Variants in MGMT observed in about 807,000 individuals in gnomAD.
The protein encoded by MGMT is O-6-methylguanine-DNA methyltransferase.
In MGMT, 14 loss-of-function variants were observed where a neutral mutation model predicts 15.9. The observed-to-expected ratio is 0.88, with a 90% CI of 0.58 to 1.37. The LOEUF is 1.37. Among genes scored for constraint, MGMT ranks in the 40% most tolerant of loss-of-function variants. MGMT has a pLI of 0.00. For missense variants in MGMT, 282 were observed against 268.1 expected (o/e 1.05, Z -0.36); for synonymous variants, 130 against 118.2 (o/e 1.10, Z -0.65).
At chr10:129,615,443 T>C (rs1847013950) in intron 2 of MGMT, among the ~76,000 whole-genome samples, 1 of 152,152 alleles carries the variant, frequency 6.6e-6, no homozygotes, top group African/African-American at 2.4e-5. Context: ...AAGTGGATCT[T>C]CTGCAGATCA....
At position 129,767,153 on chromosome 10, in the gene MGMT, C is replaced by G. The variant is rs1427755480; in HGVS notation, c.*156C>G. On this transcript the variant is annotated 3_prime_UTR_variant, in exon 5 of 5. Transcript: ENST00000651593. ...TCCATATTTTACAGCAGGATGAGTT[C>G]AGACGCCCGCGGTCCTGCACACATT... The G allele has an allele frequency of 2.5e-5, 16 of 639,674 alleles. No individual in the cohort carries two copies. The East Asian group carries it at 4.6e-4, about 18-fold the overall frequency. 39.6% of individuals were successfully genotyped at this position (639,674 alleles called of 1,614,324 possible). A position where few individuals can be genotyped will look rare whatever the true frequency, so the allele number is the denominator to read the frequency against.
chr10:129,554,954 G>C (rs1024151796), intron 2 of MGMT, among the ~76,000 whole-genome samples: 2 of 152,100 alleles, frequency 1.3e-5, no homozygotes, highest in East Asian at 1.9e-4. Context: ...GTTTCCCCAG[G>C]TATCACACAT....
At chr10:129,487,178 G>A (rs1845417204) in intron 1 of MGMT, among the ~76,000 whole-genome samples, 1 of 152,078 alleles carries the variant, frequency 6.6e-6, no homozygotes, top group African/African-American at 2.4e-5. Flanking sequence ...AAGTGTATGG[G>A]GACCTGCAGG....
At chr10:129,535,819 A>G (rs542285092) in intron 1 of MGMT, among the ~76,000 whole-genome samples, 3 of 152,362 alleles carry the variant, frequency 2.0e-5, no homozygotes, top group African/African-American at 7.2e-5. Flanking sequence ...TCATTCTAAA[A>G]TGTACTTTAT....
rs531161796 is a variant in MGMT at position 129,532,697 on chromosome 10, C to T, written c.-12-3544C>T. On this transcript the variant is annotated intron_variant, in intron 1 of 4. Transcript: ENST00000651593. The surrounding 1 kb of genome is among the most constrained non-coding windows in gnomAD (Gnocchi z 5.3). ...TCGAGGTGTGGTCTGTGCAGAATGG[C>T]GTGACAGCCCTTCCAGCCCGTCACG... 5.3e-4 allele frequency among the ~76,000 whole-genome samples: 80 copies of T among 152,224 alleles called. No individual in the cohort carries two copies. The highest frequency in any genetic ancestry group is 1.6e-3 in the African/African-American group (68 of 41,542).
rs1355124674 is a variant in MGMT, at chr10:129,600,666, T to C, written c.125+64289T>C. Among the ~76,000 whole-genome samples the C allele has an allele frequency of 2.6e-5, 4 of 152,304 alleles. No individual in the cohort carries two copies. In the South Asian group the frequency reaches 6.2e-4, roughly 24 times the overall value. On this transcript the variant is annotated intron_variant, in intron 2 of 4. Transcript: ENST00000651593. ...ATTAATCAAGTGAGGTAAACATCCG[T>C]ATTGCCTCTTAGCACCCCCATAGGC...
chr10:129,670,906 T>C (rs1847714946), intron 2 of MGMT, among the ~76,000 whole-genome samples: 1 of 152,216 alleles, frequency 6.6e-6, no homozygotes. Context: ...TATCTCAATT[T>C]ACTTGACTTT....
At position 129,533,821 on chromosome 10, in the gene MGMT, G is replaced by A. The variant is rs567346858; in HGVS notation, c.-12-2420G>A. On this transcript the variant is annotated intron_variant, in intron 1 of 4. Transcript: ENST00000651593. This position sits in a 1 kb window ranked among gnomAD's most constrained non-coding sequence, Gnocchi z 4.5. ...TGGGAGATGTCTGCAGGCGCAGGGC[G>A]GAGGCTGTGGGCCAAGATTGTGGCT... Among the ~76,000 whole-genome samples, 44 of 152,294 alleles carry A rather than the reference G, an allele frequency of 2.9e-4. No homozygotes were observed. Among genetic ancestry groups the A allele is most frequent in the African/African-American group, 9.4e-4 (39 of 41,558 alleles).
Position 129,737,571 on chromosome 10 carries a change from A to G in MGMT, c.275-21631A>G, listed in dbSNP as rs368203141. Among the ~76,000 whole-genome samples, 1,176 of 152,196 alleles carry G rather than the reference A, an allele frequency of 7.7e-3. 7 individuals carry two copies. The highest frequency in any genetic ancestry group is 0.014 in the Middle Eastern group (4 of 294). ...TCTCAACTCGTCAAAGTCATTCTCC[A>G]TCCAGCTTTGTTCCGTTGCTGGTGA... On this transcript the variant is annotated intron_variant, in intron 3 of 4. Transcript: ENST00000651593.
At chr10:129,688,477 C>T (rs746672704) in intron 2 of MGMT, among the ~76,000 whole-genome samples, 1 of 152,162 alleles carries the variant, frequency 6.6e-6, no homozygotes, top group African/African-American at 2.4e-5. Context: ...CTGTTGGCTG[C>T]GTAAATGTCT....
chr10:129,739,707 A>G (rs150079993), intron 3 of MGMT, among the ~76,000 whole-genome samples: 2,699 of 152,340 alleles, frequency 0.018, 81 homozygotes, highest in African/African-American at 0.061. Context: ...AGCCACCTGC[A>G]GCCCAGGATA....
chr10:129,745,532 G>T (rs1001209124), intron 3 of MGMT, among the ~76,000 whole-genome samples: 1 of 152,172 alleles, frequency 6.6e-6, no homozygotes. Context: ...TTTCACTCAG[G>T]TTAATGCCTT....
chr10:129,514,680 T>G (rs1209270348), intron 1 of MGMT, among the ~76,000 whole-genome samples: 1 of 152,074 alleles, frequency 6.6e-6, no homozygotes, highest in Non-Finnish European at 1.5e-5. Flanking sequence ...AGTGCCCTTA[T>G]GAAAGAGACT....
chr10:129,657,769 G>A (rs1847548159), intron 2 of MGMT, among the ~76,000 whole-genome samples: 1 of 150,964 alleles, frequency 6.6e-6, no homozygotes, highest in South Asian at 2.1e-4. Context: ...CGGCCTCTTA[G>A]CGTGTGTGGA....
At chr10:129,626,128 C>G (rs1847146202) in intron 2 of MGMT, among the ~76,000 whole-genome samples, 1 of 152,112 alleles carries the variant, frequency 6.6e-6, no homozygotes, top group Admixed American at 6.5e-5. Context: ...GACAGGTGGA[C>G]TAGGCTCTTT....
At chr10:129,517,620 G>A (rs547612134) in intron 1 of MGMT, among the ~76,000 whole-genome samples, 26 of 152,310 alleles carry the variant, frequency 1.7e-4, no homozygotes, top group Non-Finnish European at 3.2e-4. Context: ...TCATGAGGCC[G>A]TATGTCGCAC....
intron 1 of MGMT, among the ~76,000 whole-genome samples, chr10:129,523,323 C>T (rs971418375): frequency 2.6e-5 from 4 of 152,226 alleles, no homozygotes; most frequent in African/African-American, 9.6e-5. Flanking sequence ...TTGGCATTAT[C>T]GCGGATGTTA....
At chr10:129,743,496 C>T (rs1390433890) in intron 3 of MGMT, among the ~76,000 whole-genome samples, 1 of 152,228 alleles carries the variant, frequency 6.6e-6, no homozygotes, top group East Asian at 1.9e-4. Flanking sequence ...GCCCACAGTT[C>T]TGACAGAGGT....
Position 129,767,163 on chromosome 10 carries a change from C to T in MGMT, c.*166C>T, listed in dbSNP as rs1312157832. ...ACAGCAGGATGAGTTCAGACGCCCG[C>T]GGTCCTGCACACATTTGTTTCCTTC... On this transcript the variant is annotated 3_prime_UTR_variant, in exon 5 of 5. Coordinates refer to ENST00000651593, the MANE Select transcript of MGMT (RefSeq NM_002412.5). 1.2e-5 allele frequency: 7 copies of T among 582,788 alleles called. No individual in the cohort carries two copies. Among genetic ancestry groups the T allele is most frequent in the East Asian group, 3.1e-5 (1 of 32,666 alleles). The allele number at this position is 582,788 out of a possible 1,614,324, so 36.1% of individuals were successfully genotyped here.
Sources: allele counts gnomAD v4.1 joint callset (sites outside exome capture counted in the v4.1 genomes callset), GRCh38; gene constraint gnomAD v4.1.1; non-coding constraint Gnocchi (gnomAD v3.1); transcripts MANE v1.5; gene names NCBI Gene and HGNC (gene_info 2026-07-23, HGNC 2026-07-21).